The following TRPC5 variants were observed in gnomAD, a reference collection of about 807,000 sequenced individuals.
TRPC5 encodes the protein short transient receptor potential channel 5.
In TRPC5, 9 loss-of-function variants were observed where a neutral mutation model predicts 56.5. The observed-to-expected ratio is 0.16, with a 90% CI of 0.10 to 0.28. The LOEUF (loss-of-function observed/expected upper bound fraction) is 0.28, where lower values mean the gene tolerates loss of function less well. Among genes scored for constraint, TRPC5 ranks in the 10% least tolerant of loss-of-function variants. The pLI is 1.00. For synonymous variants in TRPC5, 282 were observed against 278.5 expected (o/e 1.01, Z -0.13); for missense variants, 469 against 748.9 (o/e 0.63, Z 4.36).
At chrX:111,855,046 A>T (rs1221992129) in intron 3 of TRPC5, among the ~76,000 whole-genome samples, 1 of 112,279 alleles carries the variant, frequency 8.9e-6, no homozygotes, top group African/African-American at 3.2e-5. Context: ...ATGATTTTAA[A>T]TACTGCCTAC....
intron 1 of TRPC5, among the ~76,000 whole-genome samples, chrX:112,012,201 T>C (rs959228462): frequency 1.8e-5 from 2 of 111,060 alleles, no homozygotes; most frequent in African/African-American, 6.6e-5. Context: ...GATCAGACTT[T>C]ATATAAAATA....
In TRPC5 at chrX:111,972,254, C is replaced by A. The variant is rs752227180; in HGVS notation, c.-21-19813G>T. On this transcript the variant is annotated intron_variant, in intron 1 of 10. Coordinates refer to ENST00000262839, the MANE Select transcript of TRPC5 (RefSeq NM_012471.3). ...TTACAATCCTTTTTAGTGACAGAGA[C>A]CTTCCCCACTTTAGATTTCTTCTTG... 2.7e-5 allele frequency among the ~76,000 whole-genome samples: 3 copies of A among 112,002 alleles called. No homozygotes were observed. The East Asian group carries it at 8.4e-4, about 32-fold the overall frequency.
chrX:112,062,880 G>A (rs1322171698), intron 1 of TRPC5, among the ~76,000 whole-genome samples: 1 of 111,603 alleles, frequency 9.0e-6, no homozygotes, highest in Non-Finnish European at 1.9e-5. Context: ...GTAGGCAGTT[G>A]GACCAGCTCG....
At chrX:111,956,087 C>T (rs893507011) in intron 1 of TRPC5, among the ~76,000 whole-genome samples, 2 of 112,463 alleles carry the variant, frequency 1.8e-5, no homozygotes, top group South Asian at 3.6e-4. Context: ...TTAAATGATG[C>T]GATTCAAAGA....
At chrX:111,907,354 C>T (rs932417914) in intron 3 of TRPC5, among the ~76,000 whole-genome samples, 2 of 111,217 alleles carry the variant, frequency 1.8e-5, no homozygotes, top group South Asian at 3.8e-4. Context: ...AGGACTGGCG[C>T]GGTGGCTCAT....
intron 7 of TRPC5, among the ~76,000 whole-genome samples, chrX:111,832,906 C>A (rs1381620398): frequency 1.8e-5 from 2 of 111,230 alleles, no homozygotes; most frequent in South Asian, 7.7e-4. Context: ...CATTAGGTGA[C>A]AAGAAAATCT....
At chrX:111,788,651 A>G (rs1477918263) in intron 7 of TRPC5, among the ~76,000 whole-genome samples, 1 of 112,027 alleles carries the variant, frequency 8.9e-6, no homozygotes, top group Non-Finnish European at 1.9e-5. Context: ...ACATGACTGT[A>G]TATTTAGAAA....
chrX:111,928,044 G>C (rs1926307576), intron 2 of TRPC5, among the ~76,000 whole-genome samples: 1 of 110,739 alleles, frequency 9.0e-6, no homozygotes, highest in Non-Finnish European at 1.9e-5. Flanking sequence ...GCCTGGGCCT[G>C]AATAACATCA....
chrX:111,903,815 T>C (rs1462225734), intron 3 of TRPC5: 1 of 112,105 alleles, frequency 8.9e-6, no homozygotes, highest in Non-Finnish European at 1.9e-5. Context: ...CATCCCTATT[T>C]GTTTGGGTTA....
intron 7 of TRPC5, among the ~76,000 whole-genome samples, chrX:111,828,565 T>C (rs370417820): frequency 2.1e-4 from 24 of 111,647 alleles, no homozygotes; most frequent in East Asian, 1.4e-3. Context: ...AACAGACTAA[T>C]ATAGTAAATT....
intron 2 of TRPC5, among the ~76,000 whole-genome samples, chrX:111,921,072 T>C (rs184419997): frequency 1.8e-5 from 2 of 112,142 alleles, no homozygotes; most frequent in Admixed American, 1.9e-4. Context: ...TATAGACTAC[T>C]TTGTATCCAT....
rs372279403 is a variant in TRPC5, at chrX:111,776,810, G to A, written c.2425C>T (p.His809Tyr). Residue 809 changes from histidine to tyrosine, a missense_variant, in exon 11 of 11, where the codon CAT (histidine) becomes TAT (tyrosine). His to Tyr is a moderately conservative substitution (Grantham distance 83, BLOSUM62 2). Around this residue, in one of 3 missense-constraint regions of TRPC5, gnomAD observed 194 missense variants for 221.8 expected, o/e 0.87. Transcript: ENST00000262839. ...FNLGCKKKTC[H>Y]GPPLIRTMPR... ...ATGGTTCTGATGAGAGGTGGCCCAT[G>A]GCAAGTCTTTTTCTTGCAGCCTAAA... 1.7e-6 allele frequency: 2 copies of A among 1,210,352 alleles called. No homozygotes were observed. Among genetic ancestry groups the A allele is most frequent in the Non-Finnish European group, 2.2e-6 (2 of 894,990 alleles).
chrX:111,996,323 A>G (rs926014468), intron 1 of TRPC5, among the ~76,000 whole-genome samples: 5 of 111,804 alleles, frequency 4.5e-5, no homozygotes, highest in African/African-American at 1.6e-4. Flanking sequence ...CTGAGTTCTA[A>G]TTTGATTGCA....
At chrX:111,907,643 AAATAAT>A (rs375222117) in intron 3 of TRPC5, among the ~76,000 whole-genome samples, 2 of 109,276 alleles carry the variant, frequency 1.8e-5, no homozygotes, top group African/African-American at 6.7e-5. Context: ...AAATAAAAAT[AAATAAT>A]AATAATAATA....
chrX:111,864,328 T>A (rs1396786706), intron 3 of TRPC5, among the ~76,000 whole-genome samples: 3 of 112,445 alleles, frequency 2.7e-5, no homozygotes, highest in African/African-American at 9.7e-5. Flanking sequence ...GGATTTAGAT[T>A]GCTTTTTCTT....
intron 2 of TRPC5, among the ~76,000 whole-genome samples, chrX:111,939,478 T>C (rs184297693): frequency 8.9e-6 from 1 of 111,931 alleles, no homozygotes; most frequent in Non-Finnish European, 1.9e-5. Flanking sequence ...GGATTAGTTC[T>C]TCTTCAAATG....
intron 3 of TRPC5, among the ~76,000 whole-genome samples, chrX:111,906,508 A>G (rs1245531802): frequency 6.3e-5 from 7 of 111,808 alleles, no homozygotes; most frequent in African/African-American, 9.7e-5. Context: ...GCCTTTCTTG[A>G]AACTATAACT....
intron 2 of TRPC5, among the ~76,000 whole-genome samples, chrX:111,918,778 G>A (rs1926045028): frequency 9.0e-6 from 1 of 111,431 alleles, no homozygotes. Flanking sequence ...AGAGAGTAGG[G>A]TGCTAGTAGA....
intron 7 of TRPC5, among the ~76,000 whole-genome samples, chrX:111,783,850 C>G (rs2148550606): frequency 9.0e-6 from 1 of 111,532 alleles, no homozygotes; most frequent in Non-Finnish European, 1.9e-5. Context: ...TCAGCTAGCC[C>G]AAGGTCATGA....
Sources: gnomAD v4.1 joint callset for allele counts (sites outside exome capture counted in the v4.1 genomes callset) on GRCh38, gnomAD v4.1.1 for gene constraint, gnomAD v4.1.1 regional missense constraint, MANE v1.5 for transcripts, NCBI Gene and HGNC (gene_info 2026-07-23, HGNC 2026-07-21) for gene names.